The following CYRIA variants were observed in gnomAD, a reference collection of about 807,000 sequenced individuals.
CYRIA encodes the protein CYFIP-related Rac1 interactor A.
Under a neutral mutation model 43.9 loss-of-function variants are expected in CYRIA, and 15 were observed. The observed-to-expected ratio is 0.34, with a 90% CI of 0.23 to 0.53. CYRIA has a LOEUF of 0.53. CYRIA is among the 20% of genes least tolerant of loss of function. CYRIA has a pLI of 0.94. For synonymous variants in CYRIA, 117 were observed against 136.0 expected (o/e 0.86, Z 0.97); for missense variants, 236 against 394.2 (o/e 0.60, Z 3.40).
At chr2:16,623,623 C>A (rs1669067653) in intron 2 of CYRIA, among the ~76,000 whole-genome samples, 3 of 152,204 alleles carry the variant, frequency 2.0e-5, no homozygotes, top group Admixed American at 2.0e-4. Context: ...AGATCTACAG[C>A]TCGACTCTGT....
At chr2:16,624,750 A>T (rs1399617896) in intron 1 of CYRIA, among the ~76,000 whole-genome samples, 1 of 152,224 alleles carries the variant, frequency 6.6e-6, no homozygotes, top group East Asian at 1.9e-4. Flanking sequence ...GCAGAAAACC[A>T]AATCATAGAA....
chr2:16,608,529 C>G (rs1002560388), intron 2 of CYRIA, among the ~76,000 whole-genome samples: 5 of 152,148 alleles, frequency 3.3e-5, no homozygotes, highest in Admixed American at 3.3e-4. Flanking sequence ...CTAAGCTACT[C>G]TAAAAAGGAA....
rs531212393 is a variant in CYRIA, at chr2:16,644,017, C to A, written c.-166-19998G>T. Among the ~76,000 whole-genome samples the A allele has an allele frequency of 8.5e-5, 13 of 152,334 alleles. No individual in the cohort carries two copies. The East Asian group carries it at 1.9e-3, about 23-fold the overall frequency. On this transcript the variant is annotated intron_variant, in intron 1 of 11. Coordinates refer to ENST00000381323, the MANE Select transcript of CYRIA (RefSeq NM_030797.4). ...GCATAATAAAGGCCACTCCTCAACT[C>A]TCTGTGCCAACATCTCAGGGCTCTC...
chr2:16,630,293 C>T (rs1436325756), intron 1 of CYRIA, among the ~76,000 whole-genome samples: 1 of 152,156 alleles, frequency 6.6e-6, no homozygotes, highest in African/African-American at 2.4e-5. Context: ...GAGGGACCCC[C>T]ACCTGGGCCC....
intron 3 of CYRIA, among the ~76,000 whole-genome samples, chr2:16,573,269 C>CA (rs1667207790): frequency 6.6e-6 from 1 of 152,268 alleles, no homozygotes; most frequent in East Asian, 1.9e-4. Flanking sequence ...AATGAGGAGA[C>CA]AAACATACAT....
chr2:16,644,953 C>G (rs555513175), intron 1 of CYRIA, among the ~76,000 whole-genome samples: 1 of 152,122 alleles, frequency 6.6e-6, no homozygotes, highest in African/African-American at 2.4e-5. Context: ...ATTAAGGAAA[C>G]CGATTACCAT....
At chr2:16,640,991 C>A (rs1476725760) in intron 1 of CYRIA, among the ~76,000 whole-genome samples, 1 of 147,436 alleles carries the variant, frequency 6.8e-6, no homozygotes, top group Non-Finnish European at 1.5e-5. Flanking sequence ...CCCAGGGACC[C>A]AGATCCACAC....
chr2:16,557,309 G>C (rs942144852), intron 10 of CYRIA, among the ~76,000 whole-genome samples: 1 of 151,946 alleles, frequency 6.6e-6, no homozygotes, highest in Non-Finnish European at 1.5e-5. Flanking sequence ...TCTGCTCTTC[G>C]GCAAAACGAG....
chr2:16,583,592 T>C (rs1026892361), intron 3 of CYRIA, among the ~76,000 whole-genome samples: 4 of 152,230 alleles, frequency 2.6e-5, no homozygotes, highest in Non-Finnish European at 5.9e-5. Context: ...TAATGCCTAC[T>C]GCCCAAGTTG....
At chr2:16,619,318 C>T (rs76443999) in intron 2 of CYRIA, among the ~76,000 whole-genome samples, 4,283 of 152,202 alleles carry the variant, frequency 0.028, 78 homozygotes, top group Non-Finnish European at 0.041. Flanking sequence ...TATACACACA[C>T]GTAGGTACAT....
At chr2:16,564,203 A>G (rs1255580094) in intron 4 of CYRIA, 109 bp from the exon 5 acceptor site, 44 of 777,434 alleles carry the variant, frequency 5.7e-5, no homozygotes, top group Non-Finnish European at 8.2e-5. Flanking sequence ...TTGCTGATGT[A>G]TACTACTTAA....
At chr2:16,573,248 A>T (rs74813350) in intron 3 of CYRIA, among the ~76,000 whole-genome samples, 1 of 152,336 alleles carries the variant, frequency 6.6e-6, no homozygotes, top group Non-Finnish European at 1.5e-5. Context: ...CCCTTCAGGG[A>T]TGTGTACAAC....
chr2:16,647,432 C>T (rs6704986), intron 1 of CYRIA, among the ~76,000 whole-genome samples: 1,896 of 152,262 alleles, frequency 0.012, 16 homozygotes, highest in Non-Finnish European at 0.018. Context: ...ATTGATTATA[C>T]GCAAGAATGT....
chr2:16,616,228 G>A (rs773776465), intron 2 of CYRIA, among the ~76,000 whole-genome samples: 1 of 152,178 alleles, frequency 6.6e-6, no homozygotes, highest in African/African-American at 2.4e-5. Flanking sequence ...CCAGGGCTGG[G>A]CAAAGTGGAG....
intron 2 of CYRIA, among the ~76,000 whole-genome samples, chr2:16,600,565 T>G (rs1438960631): frequency 6.6e-6 from 1 of 152,182 alleles, no homozygotes; most frequent in Non-Finnish European, 1.5e-5. Flanking sequence ...ATTAAACAAT[T>G]TAATCTATCT....
intron 1 of CYRIA, among the ~76,000 whole-genome samples, chr2:16,630,204 C>G (rs1669287429): frequency 6.6e-6 from 1 of 152,176 alleles, no homozygotes; most frequent in South Asian, 2.1e-4. Flanking sequence ...AGGAGCTGGA[C>G]AGTCACTCAG....
intron 3 of CYRIA, among the ~76,000 whole-genome samples, chr2:16,571,291 C>G (rs963840194): frequency 5.9e-5 from 9 of 152,170 alleles, no homozygotes; most frequent in South Asian, 4.1e-4. Context: ...TTGCTGTCAC[C>G]TGAGGCAGGG....
intron 3 of CYRIA, among the ~76,000 whole-genome samples, chr2:16,575,037 C>T (rs1421820017): frequency 6.6e-6 from 1 of 152,128 alleles, no homozygotes; most frequent in Non-Finnish European, 1.5e-5. Flanking sequence ...GGGTGCTATA[C>T]CCTGCAAAGC....
chr2:16,617,361 C>T (rs1296203603), intron 2 of CYRIA, among the ~76,000 whole-genome samples: 2 of 152,358 alleles, frequency 1.3e-5, no homozygotes, highest in Non-Finnish European at 2.9e-5. Context: ...CAGTCTCCAT[C>T]CTGGGGCCAG....
Sources: gnomAD v4.1 joint callset for allele counts (sites outside exome capture counted in the v4.1 genomes callset) on GRCh38, gnomAD v4.1.1 for gene constraint, MANE v1.5 for transcripts, NCBI Gene and HGNC (gene_info 2026-07-23, HGNC 2026-07-21) for gene names.